Variants in KALRN observed in about 807,000 individuals in gnomAD.
The protein encoded by KALRN is kalirin.
KALRN carries 70 observed loss-of-function variants against 353.7 expected under a neutral mutation model. The observed-to-expected ratio is 0.20, with a 90% confidence interval of 0.16 to 0.24. The LOEUF (loss-of-function observed/expected upper bound fraction) is 0.24, where lower values mean the gene tolerates loss of function less well. Ranked by LOEUF, KALRN falls within the 10% of genes least tolerant of loss-of-function variation. The pLI is 1.00. For synonymous variants in KALRN, 1,391 were observed against 1,434.8 expected, an observed-to-expected ratio of 0.97 and a Z score of 0.69; for missense variants, 2,791 against 3,756.7, an observed-to-expected ratio of 0.74 and a Z score of 6.72.
intron 15 of KALRN, 110 bp from the exon 16 acceptor site, chr3:124,430,546 A>G (rs746361567): frequency 7.6e-7 from 1 of 1,314,210 alleles, no homozygotes; most frequent in Admixed American, 2.1e-5. Flanking sequence ...TCTCTCCAAC[A>G]GAAGATAAAA....
chr3:124,478,120 C>A (rs562884352), intron 27 of KALRN, among the ~76,000 whole-genome samples: 26 of 152,098 alleles, frequency 1.7e-4, no homozygotes, highest in Admixed American at 7.9e-4. Context: ...GGGGTCCCTG[C>A]AGGATTCAAA....
intron 1 of KALRN, among the ~76,000 whole-genome samples, chr3:124,171,244 TG>T (rs1433661358): frequency 3.9e-5 from 6 of 152,154 alleles, no homozygotes; most frequent in African/African-American, 1.4e-4. Flanking sequence ...CTTAGCTACT[TG>T]GGTTGGCATC....
At position 124,490,789 on chromosome 3, in the gene KALRN, C is replaced by T. The variant is rs1302616639; in HGVS notation, c.4492C>T (p.Arg1498Trp). 1 of 1,613,864 alleles carries T rather than the reference C, an allele frequency of 6.2e-7. No individual in the cohort carries two copies. The highest frequency in any genetic ancestry group is 1.1e-5 in the South Asian group (1 of 91,058). ...PKSLIRKGRE[R>W]HLFLFEISLV... ...GTCGCTGATCCGGAAGGGGCGGGAG[C>T]GGCACTTGTTCCTCTTTGAGATCTC... The change falls in exon 30 of 60, where the codon CGG becomes TGG. Residue 1498 changes from arginine (R) to tryptophan (W), a missense_variant. Arg to Trp is a moderately radical substitution (Grantham distance 101, BLOSUM62 -3). This residue lies in a region of KALRN where 239 missense variants were observed against 351.3 expected (regional missense o/e 0.68). Coordinates refer to ENST00000682506, the MANE Select transcript of KALRN (RefSeq NM_001388419.1).
chr3:124,686,636 A>T (rs2061569652), intron 51 of KALRN, among the ~76,000 whole-genome samples: 1 of 152,088 alleles, frequency 6.6e-6, no homozygotes, highest in South Asian at 2.1e-4. Context: ...AAAGCCTGGC[A>T]GATGGGTTGA....
chr3:124,305,904 A>G (rs1471200032), intron 6 of KALRN, among the ~76,000 whole-genome samples: 4 of 152,186 alleles, frequency 2.6e-5, no homozygotes, highest in Admixed American at 1.3e-4. Flanking sequence ...GAAAAAAAAT[A>G]AAAAACAGTC....
chr3:124,334,212 G>A lies in KALRN; in HGVS notation c.1417-53G>A. 7 of 1,466,850 alleles carry A rather than the reference G, an allele frequency of 4.8e-6. No individual in the cohort carries two copies. The highest frequency in any genetic ancestry group is 6.7e-6 in the Non-Finnish European group (7 of 1,047,250). 90.9% of individuals were successfully genotyped at this position (1,466,850 alleles called of 1,614,324 possible). ...AGGCAGACACTTCCTGCTTCTCTCT[G>A]TGCCCTGCCTATCACCCTTTTCCCT... On this transcript the variant is annotated intron_variant, in intron 8 of 59. Transcript: ENST00000682506. The surrounding 1 kb of genome is among the most constrained non-coding windows in gnomAD (Gnocchi z 4.2).
chr3:124,296,230 C>G (rs777383380), intron 5 of KALRN, among the ~76,000 whole-genome samples: 3 of 152,206 alleles, frequency 2.0e-5, no homozygotes, highest in African/African-American at 7.2e-5. Context: ...GAAACTCTCA[C>G]AGGCCTCCCA....
chr3:124,140,081 G>A (rs2066439439), intron 1 of KALRN, among the ~76,000 whole-genome samples: 1 of 152,138 alleles, frequency 6.6e-6, no homozygotes, highest in Non-Finnish European at 1.5e-5. Context: ...CTGATCCCCA[G>A]TGAAGCTGTG....
At chr3:124,419,798 A>AT (rs1282569229) in intron 14 of KALRN, among the ~76,000 whole-genome samples, 1 of 152,212 alleles carries the variant, frequency 6.6e-6, no homozygotes, top group African/African-American at 2.4e-5. Context: ...CTGACAAATG[A>AT]TTTCCTCACA....
intron 10 of KALRN, among the ~76,000 whole-genome samples, chr3:124,351,791 A>C (rs2082862124): frequency 6.6e-6 from 1 of 152,262 alleles, no homozygotes; most frequent in African/African-American, 2.4e-5. Context: ...TTTTGTGTTT[A>C]ATAGCTCTTG....
chr3:124,143,657 A>G (rs1229740470), intron 1 of KALRN, among the ~76,000 whole-genome samples: 1 of 152,212 alleles, frequency 6.6e-6, no homozygotes, highest in Non-Finnish European at 1.5e-5. Context: ...ATGGAGAGAG[A>G]GAAACATACC....
intron 9 of KALRN, among the ~76,000 whole-genome samples, chr3:124,337,218 G>A (rs1232790876): frequency 5.9e-5 from 9 of 152,184 alleles, no homozygotes; most frequent in East Asian, 1.9e-4. Flanking sequence ...GTGAGAGAGG[G>A]CATCTTTGTC....
intron 3 of KALRN, among the ~76,000 whole-genome samples, chr3:124,261,899 T>C (rs562372983): frequency 6.6e-6 from 1 of 152,170 alleles, no homozygotes; most frequent in African/African-American, 2.4e-5. Flanking sequence ...TAAATCCCAA[T>C]AGAAAGCCAC....
chr3:124,194,511 A>G (rs1206879138), intron 1 of KALRN, among the ~76,000 whole-genome samples: 1 of 152,152 alleles, frequency 6.6e-6, no homozygotes, highest in Non-Finnish European at 1.5e-5. Context: ...TAGTCAGAAG[A>G]GTTCAATCTT....
At chr3:124,468,026 T>C (rs1390073919) in intron 25 of KALRN, among the ~76,000 whole-genome samples, 1 of 150,898 alleles carries the variant, frequency 6.6e-6, no homozygotes, top group East Asian at 2.0e-4. Flanking sequence ...GGGGAGGGGA[T>C]GAGGAGAAGG....
At chr3:124,667,731 A>T (rs1412492498) in intron 47 of KALRN, among the ~76,000 whole-genome samples, 1 of 152,208 alleles carries the variant, frequency 6.6e-6, no homozygotes, top group Non-Finnish European at 1.5e-5. Context: ...CCTAGAAGAA[A>T]ATTTGTGGTT....
chr3:124,310,742 C>G (rs1373655938), intron 6 of KALRN, among the ~76,000 whole-genome samples: 1 of 152,066 alleles, frequency 6.6e-6, no homozygotes, highest in Non-Finnish European at 1.5e-5. Context: ...CCTTACCTTA[C>G]ACTAAATTAA....
intron 1 of KALRN, among the ~76,000 whole-genome samples, chr3:124,080,830 A>G (rs2060502684): frequency 6.6e-6 from 1 of 152,210 alleles, no homozygotes; most frequent in African/African-American, 2.4e-5. Flanking sequence ...ATCATCTATT[A>G]TAATATTAAG....
intron 2 of KALRN, among the ~76,000 whole-genome samples, chr3:124,231,483 A>G (rs1446396637): frequency 6.6e-6 from 1 of 152,120 alleles, no homozygotes; most frequent in Non-Finnish European, 1.5e-5. Context: ...GTTCCCAGGG[A>G]ACCTTATGTT....
Sources: gnomAD v4.1 joint callset for allele counts (sites outside exome capture counted in the v4.1 genomes callset) on GRCh38, gnomAD v4.1.1 for gene constraint, gnomAD v4.1.1 regional missense constraint, Gnocchi (gnomAD v3.1) non-coding constraint, MANE v1.5 for transcripts, NCBI Gene and HGNC (gene_info 2026-07-23, HGNC 2026-07-21) for gene names.